Variants in OSBPL3 observed in about 807,000 individuals in gnomAD.
OSBPL3 encodes oxysterol-binding protein-related protein 3.
Under a neutral mutation model 120.1 loss-of-function variants are expected in OSBPL3, and 65 were observed. That is an observed-to-expected ratio of 0.54 (90% CI 0.44 to 0.67). The LOEUF (loss-of-function observed/expected upper bound fraction) is 0.67, where lower values mean the gene tolerates loss of function less well. OSBPL3 is among the 30% of genes least tolerant of loss of function. OSBPL3 has a pLI of 0.00. For missense variants in OSBPL3, 1,004 were observed against 1,082.1 expected (o/e 0.93, Z 1.01); for synonymous variants, 416 against 402.6 (o/e 1.03, Z -0.40).
chr7:24,910,258 C>T (rs1178464618), intron 1 of OSBPL3, among the ~76,000 whole-genome samples: 5 of 152,152 alleles, frequency 3.3e-5, no homozygotes, highest in South Asian at 4.1e-4. Flanking sequence ...TTATCACCCA[C>T]GTGGTCCCAA....
At chr7:24,926,079 G>A (rs747145714) in intron 1 of OSBPL3, among the ~76,000 whole-genome samples, 12 of 152,212 alleles carry the variant, frequency 7.9e-5, no homozygotes, top group Admixed American at 2.0e-4. Flanking sequence ...TAGGTATGCC[G>A]TGGTCATTGG....
Position 24,804,539 on chromosome 7 carries a change from C to A in OSBPL3, c.2445-102G>T. On this transcript the variant is annotated intron_variant, in intron 21 of 22. Coordinates refer to ENST00000313367, the MANE Select transcript of OSBPL3 (RefSeq NM_015550.4). This position sits in a 1 kb window ranked among gnomAD's most constrained non-coding sequence, Gnocchi z 5.4. ...GTGTCCACGACTGGATATTCAAAATCCTCTCCTATACGTAAGACCCCGCCC... is the reference window on the plus strand; with the variant it reads ...GTGTCCACGACTGGATATTCAAAATACTCTCCTATACGTAAGACCCCGCCC... 8.9e-7 allele frequency: 1 copy of A among 1,119,460 alleles called. No individual in the cohort carries two copies. The highest frequency in any genetic ancestry group is 1.4e-5 in the South Asian group (1 of 69,542). 69.3% of individuals were successfully genotyped at this position (1,119,460 alleles called of 1,614,324 possible).
At position 24,913,176 on chromosome 7, in the gene OSBPL3, T is replaced by C. The variant is rs1809075528; in HGVS notation, c.-149-20555A>G. 6.6e-6 allele frequency among the ~76,000 whole-genome samples: 1 copy of C among 152,172 alleles called. No homozygotes were observed. The highest frequency in any genetic ancestry group is 2.4e-5 in the African/African-American group (1 of 41,432). ...CATCAAGTCCCACCCAAATTAAAGA[T>C]GTCAGGGATACATAAATATTGTCAT... On this transcript the variant is annotated intron_variant, in intron 1 of 22. Coordinates refer to ENST00000313367, the MANE Select transcript of OSBPL3 (RefSeq NM_015550.4). This position sits in a 1 kb window ranked among gnomAD's most constrained non-coding sequence, Gnocchi z 5.3.
rs1805814794 is a variant in OSBPL3, at chr7:24,894,363, T to C, written c.-149-1742A>G. Among the ~76,000 whole-genome samples the C allele has an allele frequency of 6.6e-6, 1 of 152,202 alleles. No individual in the cohort carries two copies. Among genetic ancestry groups the C allele is most frequent in the Non-Finnish European group, 1.5e-5 (1 of 68,034 alleles). ...AAGCAAACCAGCACCAGCCTCTTCA[T>C]AAAATTAGCCTTACTGATGGGGGCA... On this transcript the variant is annotated intron_variant, in intron 1 of 22. Transcript: ENST00000313367. This position sits in a 1 kb window ranked among gnomAD's most constrained non-coding sequence, Gnocchi z 4.1.
Position 24,938,959 on chromosome 7 carries a change from C to A in OSBPL3, c.-150+40927G>T, listed in dbSNP as rs1177654766. 1.3e-5 allele frequency among the ~76,000 whole-genome samples: 2 copies of A among 151,562 alleles called. No individual in the cohort carries two copies. The highest frequency in any genetic ancestry group is 4.9e-5 in the African/African-American group (2 of 41,190). ...TGATGTGATTAATTAAGATGCAGAA[C>A]ACAAGAACAAATGAAACAGAGTGCA... is the stretch of plus-strand genomic sequence containing the variant. On this transcript the variant is annotated intron_variant, in intron 1 of 22. Transcript: ENST00000313367. This position sits in a 1 kb window ranked among gnomAD's most constrained non-coding sequence, Gnocchi z 5.8.
chr7:24,980,927 A>G (rs1818271524), upstream of OSBPL3, among the ~76,000 whole-genome samples: 2 of 152,024 alleles, frequency 1.3e-5, no homozygotes, highest in African/African-American at 4.8e-5. Context: ...GCCTTCTTTG[A>G]TCCTAGGACG....
At chr7:24,948,994 G>C (rs1380241906) in intron 1 of OSBPL3, among the ~76,000 whole-genome samples, 1 of 152,158 alleles carries the variant, frequency 6.6e-6, no homozygotes, top group Non-Finnish European at 1.5e-5. Flanking sequence ...TGCATATCAT[G>C]ATGTCTCTAG....
chr7:24,812,305 A>C lies in OSBPL3; in HGVS notation c.2173-2354T>G, dbSNP rs1402080122. Among the ~76,000 whole-genome samples the C allele has an allele frequency of 5.3e-4, 7 of 13,226 alleles. No individual in the cohort carries two copies. In the East Asian group the frequency reaches 0.052, roughly 99 times the overall value. The allele number at this position is 13,226 out of a possible 152,430, so 8.7% of individuals were successfully genotyped here. On this transcript the variant is annotated intron_variant, in intron 19 of 22. Transcript: ENST00000313367. Reference sequence around the variant, plus strand: ...GTGGGTGAGATTGAGACTCCATCTCAAAAAAAAAAAAAAAAAAAAGAACAA... The same window carrying C: ...GTGGGTGAGATTGAGACTCCATCTCCAAAAAAAAAAAAAAAAAAAGAACAA...
At chr7:24,811,297 A>G (rs148602942) in intron 19 of OSBPL3, among the ~76,000 whole-genome samples, 314 of 152,180 alleles carry the variant, frequency 2.1e-3, no homozygotes, top group African/African-American at 6.6e-3. Flanking sequence ...TTTTCCTCAT[A>G]TATCTATTGG....
At position 24,871,664 on chromosome 7, in the gene OSBPL3, T is replaced by C. The variant is rs770859317; in HGVS notation, c.267+78A>G. 22 of 1,047,560 alleles carry C rather than the reference T, an allele frequency of 2.1e-5. No homozygotes were observed. The highest frequency in any genetic ancestry group is 4.0e-5 in the South Asian group (3 of 74,704). The allele number at this position is 1,047,560 out of a possible 1,614,324, so 64.9% of individuals were successfully genotyped here. On this transcript the variant is annotated intron_variant, in intron 4 of 22. Transcript: ENST00000313367. This position sits in a 1 kb window ranked among gnomAD's most constrained non-coding sequence, Gnocchi z 4.8. ...TTCCGAGAAAAGCTATCCTCAACTATACACACTCTCATCTCTGAGCTGATG... is the reference window on the plus strand; with the variant it reads ...TTCCGAGAAAAGCTATCCTCAACTACACACACTCTCATCTCTGAGCTGATG...
At chr7:24,944,609 G>T (rs1428906609) in intron 1 of OSBPL3, among the ~76,000 whole-genome samples, 3 of 141,362 alleles carry the variant, frequency 2.1e-5, no homozygotes, top group African/African-American at 7.7e-5. Context: ...CATCTTGGGT[G>T]AAAGAGCGAG....
chr7:24,817,892 GT>G lies in OSBPL3; in HGVS notation c.1949-1205del, dbSNP rs1794662808. On this transcript the variant is annotated intron_variant, in intron 17 of 22. Transcript: ENST00000313367. This position sits in a 1 kb window ranked among gnomAD's most constrained non-coding sequence, Gnocchi z 4.0. ...AGATTTCTCTAACTTGCAATGAATG[GT>G]GGTACCAACAGAGAAGCCAGGAAAT... Among the ~76,000 whole-genome samples the G allele has an allele frequency of 6.6e-6, 1 of 152,174 alleles. No individual in the cohort carries two copies. Among genetic ancestry groups the G allele is most frequent in the African/African-American group, 2.4e-5 (1 of 41,444 alleles).
intron 5 of OSBPL3, among the ~76,000 whole-genome samples, chr7:24,868,338 AGTGTGTGTGT>A (rs55688298): frequency 2.7e-4 from 37 of 137,948 alleles, no homozygotes; most frequent in Middle Eastern, 3.6e-3. Flanking sequence ...AAAAAAAAAA[AGTGTGTGTGT>A]GTGTGTGTGT....
At position 24,852,840 on chromosome 7, in the gene OSBPL3, G is replaced by A. The variant is rs1799333184; in HGVS notation, c.1028-206C>T. ...ATGTAAACTAAGGCCTCTGGATGATGATGTGTCCACGTAGGTTCATTGACT... is the reference window on the plus strand; with the variant it reads ...ATGTAAACTAAGGCCTCTGGATGATAATGTGTCCACGTAGGTTCATTGACT... On this transcript the variant is annotated intron_variant, in intron 10 of 22. Transcript: ENST00000313367. This position sits in a 1 kb window ranked among gnomAD's most constrained non-coding sequence, Gnocchi z 4.1. Among the ~76,000 whole-genome samples the A allele has an allele frequency of 6.6e-6, 1 of 152,184 alleles. No individual in the cohort carries two copies.
chr7:24,912,270 T>C lies in OSBPL3; in HGVS notation c.-149-19649A>G, dbSNP rs948531253. ...TAGTAAGAATGTTACCAAAAAATAA[T>C]AGTTCATAGGAATTACAAATCAGAA... On this transcript the variant is annotated intron_variant, in intron 1 of 22. Transcript: ENST00000313367. This position sits in a 1 kb window ranked among gnomAD's most constrained non-coding sequence, Gnocchi z 4.5. 6.6e-6 allele frequency among the ~76,000 whole-genome samples: 1 copy of C among 152,208 alleles called. No homozygotes were observed. The highest frequency in any genetic ancestry group is 2.4e-5 in the African/African-American group (1 of 41,444).
At chr7:24,910,798 G>A (rs1376961323) in intron 1 of OSBPL3, among the ~76,000 whole-genome samples, 1 of 152,222 alleles carries the variant, frequency 6.6e-6, no homozygotes, top group African/African-American at 2.4e-5. Flanking sequence ...TGAAGATGTG[G>A]ATAGGGCTTG....
At chr7:24,842,443 A>C in intron 12 of OSBPL3, 30 bp from the exon 13 acceptor site, 1 of 1,484,030 alleles carries the variant, frequency 6.7e-7, no homozygotes, top group Non-Finnish European at 9.2e-7. Context: ...AAAAATGTAT[A>C]CATTTAAAAA....
chr7:24,900,359 G>C lies in OSBPL3; in HGVS notation c.-149-7738C>G, dbSNP rs1806811066. ...TTTAGAAGTTTGGTGATGTTTTTGT[G>C]ACCAGAAATATGCCACAGGAAACAT... On this transcript the variant is annotated intron_variant, in intron 1 of 22. Transcript: ENST00000313367. The surrounding 1 kb of genome is among the most constrained non-coding windows in gnomAD (Gnocchi z 4.5). Among the ~76,000 whole-genome samples, 1 of 152,168 alleles carries C rather than the reference G, an allele frequency of 6.6e-6. No homozygotes were observed. Among genetic ancestry groups the C allele is most frequent in the African/African-American group, 2.4e-5 (1 of 41,438 alleles).
At chr7:24,814,540 T>C (rs1300073810) in intron 19 of OSBPL3, among the ~76,000 whole-genome samples, 1 of 152,104 alleles carries the variant, frequency 6.6e-6, no homozygotes, top group Non-Finnish European at 1.5e-5. Context: ...TTCAGTGGCA[T>C]TAAATACATT....
Sources: allele counts gnomAD v4.1 joint callset (sites outside exome capture counted in the v4.1 genomes callset), GRCh38; gene constraint gnomAD v4.1.1; non-coding constraint Gnocchi (gnomAD v3.1); transcripts MANE v1.5; gene names NCBI Gene and HGNC (gene_info 2026-07-23, HGNC 2026-07-21).